LMNB1: variants seen among roughly 807,000 people sequenced by gnomAD.
The protein encoded by LMNB1 is lamin-B1.
A neutral mutation model predicts 67.1 loss-of-function variants in LMNB1; 23 were observed. The observed-to-expected ratio is 0.34, with a 90% CI of 0.25 to 0.49. The LOEUF (loss-of-function observed/expected upper bound fraction) is 0.49. LMNB1 is among the 20% of genes least tolerant of loss of function. The probability of loss-of-function intolerance (pLI) is 0.99; values close to 1 mark genes in which losing one functional copy is unlikely to be tolerated. For synonymous variants in LMNB1, 281 were observed against 282.9 expected (o/e 0.99, Z 0.07); for missense variants, 634 against 746.5 (o/e 0.85, Z 1.76).
chr5:126,777,611 G>A lies in LMNB1; in HGVS notation c.103G>A (p.Glu35Lys). The A allele has an allele frequency of 6.5e-7, 1 of 1,539,200 alleles. No homozygotes were observed. The highest frequency in any genetic ancestry group is 8.8e-7 in the Non-Finnish European group (1 of 1,142,566). ...CCTGTCGCGGCTCCAGGAGAAGGAG[G>A]AGCTGCGCGAGCTCAATGACCGGCT... is the stretch of plus-strand genomic sequence containing the variant. ...TRLSRLQEKE[E>K]LRELNDRLAV... is the part of the protein sequence containing the mutation. The change falls in exon 1 of 11, where the codon GAG becomes AAG. Residue 35 changes from glutamate (E) to lysine (K), a missense_variant. Glu to Lys is a moderately conservative substitution (Grantham distance 56, BLOSUM62 1). Transcript: ENST00000261366.
chr5:126,808,584 A>G (rs1751509892), intron 3 of LMNB1, among the ~76,000 whole-genome samples: 1 of 152,136 alleles, frequency 6.6e-6, no homozygotes, highest in Non-Finnish European at 1.5e-5. Context: ...GAGAAAGACG[A>G]AAGAGGAAGG....
intron 9 of LMNB1, among the ~76,000 whole-genome samples, chr5:126,830,078 A>G (rs1266166975): frequency 6.6e-6 from 1 of 152,214 alleles, no homozygotes; most frequent in Non-Finnish European, 1.5e-5. Flanking sequence ...AATATAAACA[A>G]TCATCTTTCG....
chr5:126,828,750 A>G (rs1432869551), intron 9 of LMNB1, among the ~76,000 whole-genome samples: 1 of 151,846 alleles, frequency 6.6e-6, no homozygotes, highest in African/African-American at 2.4e-5. Context: ...TTTAGTAGAG[A>G]TGGGGTTTTA....
intron 1 of LMNB1, among the ~76,000 whole-genome samples, chr5:126,794,847 C>T (rs1356797074): frequency 6.6e-6 from 1 of 152,140 alleles, no homozygotes; most frequent in African/African-American, 2.4e-5. Flanking sequence ...TCTCTTTCAT[C>T]TCCTGTAATA....
chr5:126,810,103 G>A, intron 3 of LMNB1, 77 bp from the exon 4 acceptor site: 12 of 1,355,890 alleles, frequency 8.9e-6, no homozygotes, highest in Non-Finnish European at 1.2e-5. Context: ...ACTTCAGATG[G>A]CTGTGATGTC....
intron 1 of LMNB1, among the ~76,000 whole-genome samples, chr5:126,799,858 T>G (rs1349612944): frequency 1.3e-5 from 2 of 152,236 alleles, no homozygotes; most frequent in Non-Finnish European, 2.9e-5. Flanking sequence ...TAACCTCTTA[T>G]GAGAAGAGAC....
rs182233955 is a variant in LMNB1, at chr5:126,781,718, G to A, written c.359+3851G>A. ...CCCAAGGTGCTGGGATTATAGGCGT[G>A]AGCCACCATGCCTGGCCTATATTTA... is the stretch of plus-strand genomic sequence containing the variant. On this transcript the variant is annotated intron_variant, in intron 1 of 10. Coordinates refer to ENST00000261366, the MANE Select transcript of LMNB1 (RefSeq NM_005573.4). Among the ~76,000 whole-genome samples the A allele has an allele frequency of 3.8e-3, 573 of 152,300 alleles. 3 individuals carry two copies. Among genetic ancestry groups the A allele is most frequent in the Non-Finnish European group, 6.4e-3 (435 of 68,034 alleles).
intron 1 of LMNB1, among the ~76,000 whole-genome samples, chr5:126,799,022 T>C (rs1751190817): frequency 6.8e-6 from 1 of 147,996 alleles, no homozygotes; most frequent in South Asian, 2.1e-4. Context: ...TGCATTGACT[T>C]TTTTTTTTTT....
chr5:126,781,356 T>C (rs1389748148), intron 1 of LMNB1, among the ~76,000 whole-genome samples: 2 of 152,200 alleles, frequency 1.3e-5, no homozygotes, highest in South Asian at 2.1e-4. Flanking sequence ...AGGTAAACTT[T>C]CTGAGTCCTG....
At chr5:126,818,415 T>A (rs1372561465) in intron 5 of LMNB1, among the ~76,000 whole-genome samples, 1 of 152,030 alleles carries the variant, frequency 6.6e-6, no homozygotes, top group Non-Finnish European at 1.5e-5. Flanking sequence ...ATTTTTTTTG[T>A]ATTTTTAGTA....
chr5:126,790,090 CA>C (rs1750913921), intron 1 of LMNB1, among the ~76,000 whole-genome samples: 1 of 152,072 alleles, frequency 6.6e-6, no homozygotes, highest in Non-Finnish European at 1.5e-5. Flanking sequence ...AGACATGAGC[CA>C]CTGAGCCCGG....
intron 1 of LMNB1, among the ~76,000 whole-genome samples, chr5:126,789,315 C>G (rs17165359): frequency 0.044 from 6,630 of 152,138 alleles, 162 homozygotes; most frequent in Middle Eastern, 0.065. Context: ...TCATTTCACC[C>G]CTTTTGGTAT....
chr5:126,828,073 T>TA (rs1280885614), intron 9 of LMNB1, among the ~76,000 whole-genome samples: 2 of 152,220 alleles, frequency 1.3e-5, no homozygotes, highest in African/African-American at 4.8e-5. Flanking sequence ...GACCTTGACT[T>TA]ACGTTCAGAG....
At chr5:126,803,183 C>CAAA (rs112706675) in intron 1 of LMNB1, among the ~76,000 whole-genome samples, 2 of 127,850 alleles carry the variant, frequency 1.6e-5, no homozygotes, top group African/African-American at 5.8e-5. Context: ...GATGCCATCT[C>CAAA]AAAAAAAAAA....
chr5:126,781,763 A>G (rs1205125009), intron 1 of LMNB1, among the ~76,000 whole-genome samples: 1 of 152,112 alleles, frequency 6.6e-6, no homozygotes, highest in Non-Finnish European at 1.5e-5. Flanking sequence ...TTGGAACTAG[A>G]GTGTTTGTAA....
chr5:126,811,494 G>A (rs1478424325), intron 4 of LMNB1, among the ~76,000 whole-genome samples: 1 of 152,138 alleles, frequency 6.6e-6, no homozygotes, highest in Non-Finnish European at 1.5e-5. Flanking sequence ...TGTTATCTTA[G>A]ACATTAAAGG....
At chr5:126,804,197 C>T (rs1751356924) in intron 1 of LMNB1, among the ~76,000 whole-genome samples, 1 of 150,656 alleles carries the variant, frequency 6.6e-6, no homozygotes, top group African/African-American at 2.4e-5. Flanking sequence ...CTAAGCCTCC[C>T]AAGTAGCTGG....
intron 8 of LMNB1, among the ~76,000 whole-genome samples, chr5:126,825,371 C>G (rs2126733479): frequency 6.6e-6 from 1 of 152,318 alleles, no homozygotes; most frequent in Admixed American, 6.5e-5. Context: ...TTCCAGCATT[C>G]TTTTTGGAGC....
In LMNB1 at chr5:126,825,979, T is replaced by C. The variant is rs1751987176; in HGVS notation, c.1492-9T>C. ...TCTGGGTGTACTGACATGCTTTGGT[T>C]TTTTACAGATTTGGGCTGCAAACGC... On this transcript the variant is annotated splice_polypyrimidine_tract_variant and intron_variant, in intron 8 of 10. Transcript: ENST00000261366. 6.2e-7 allele frequency: 1 copy of C among 1,613,376 alleles called. No individual in the cohort carries two copies. The highest frequency in any genetic ancestry group is 1.3e-5 in the African/African-American group (1 of 74,882).
Sources: gnomAD v4.1 joint callset for allele counts (sites outside exome capture counted in the v4.1 genomes callset) on GRCh38, gnomAD v4.1.1 for gene constraint, MANE v1.5 for transcripts, NCBI Gene and HGNC (gene_info 2026-07-23, HGNC 2026-07-21) for gene names.